ZNF678: variants seen among roughly 807,000 people sequenced by gnomAD.
ZNF678 encodes the protein hypothetical protein MGC42493.
ZNF678 carries 5 observed loss-of-function variants against 3.0 expected under a neutral mutation model. That is an observed-to-expected ratio of 1.69 (90% CI 0.88 to 3.56). The LOEUF (loss-of-function observed/expected upper bound fraction) is 3.56. Among genes scored for constraint, ZNF678 ranks in the 30% most tolerant of loss-of-function variants. The pLI is 0.00. For missense variants in ZNF678, 593 were observed against 605.0 expected (o/e 0.98, Z 0.21); for synonymous variants, 218 against 199.6 (o/e 1.09, Z -0.78).
intron 1 of ZNF678, among the ~76,000 whole-genome samples, chr1:227,644,151 C>T (rs542306519): frequency 3.5e-4 from 53 of 152,222 alleles, no homozygotes; most frequent in Admixed American, 1.2e-3. Flanking sequence ...AGGCGTGAGC[C>T]ACCACGCCTG....
At chr1:227,610,221 ATGG>A (rs1470139034) in intron 1 of ZNF678, among the ~76,000 whole-genome samples, 2 of 152,224 alleles carry the variant, frequency 1.3e-5, no homozygotes, top group Admixed American at 1.3e-4. Flanking sequence ...GTTTAAGCTC[ATGG>A]TGAATATTTC....
intron 1 of ZNF678, among the ~76,000 whole-genome samples, chr1:227,625,305 G>A (rs1238970220): frequency 6.6e-6 from 1 of 152,134 alleles, no homozygotes; most frequent in Admixed American, 6.5e-5. Flanking sequence ...AAACCGAAGT[G>A]CTGTTGGGGA....
chr1:227,587,706 G>T (rs1657296718), intron 1 of ZNF678, among the ~76,000 whole-genome samples: 1 of 152,012 alleles, frequency 6.6e-6, no homozygotes, highest in Admixed American at 6.6e-5. Context: ...TGCAGCCAAA[G>T]ATGTTAGGGG....
At chr1:227,630,795 G>C (rs1658529934) in intron 1 of ZNF678, among the ~76,000 whole-genome samples, 1 of 152,152 alleles carries the variant, frequency 6.6e-6, no homozygotes, top group African/African-American at 2.4e-5. Context: ...AGTTGGGGAA[G>C]GAGCCAGGGG....
At chr1:227,669,645 T>TCA (rs1186139148) in intron 5 of ZNF678, among the ~76,000 whole-genome samples, 1 of 64,476 alleles carries the variant, frequency 1.6e-5, no homozygotes. Context: ...CGAGACCGTC[T>TCA]CAAAAAAAAA....
In ZNF678 at chr1:227,563,602, A is replaced by T; in HGVS notation, c.-286A>T. On this transcript the variant is annotated 5_prime_UTR_variant, in exon 1 of 4. Coordinates refer to ENST00000343776, the MANE Select transcript of ZNF678 (RefSeq NM_001367909.1). Reference sequence around the variant, plus strand: ...GAGCTTTGGTCCCGTATTCTCGGCTATTTATCCCCAGCTGCGGGAGGCCCT... The same window carrying T: ...GAGCTTTGGTCCCGTATTCTCGGCTTTTTATCCCCAGCTGCGGGAGGCCCT... 1 of 1,073,908 alleles carries T rather than the reference A, an allele frequency of 9.3e-7. No homozygotes were observed. The highest frequency in any genetic ancestry group is 1.3e-6 in the Non-Finnish European group (1 of 777,664). 66.5% of individuals were successfully genotyped at this position (1,073,908 alleles called of 1,614,324 possible).
In ZNF678 at chr1:227,661,196, T is replaced by A. The variant is rs1472467885; in HGVS notation, c.*5368T>A. 2 of 152,186 alleles carry A rather than the reference T, an allele frequency of 1.3e-5. No individual in the cohort carries two copies. Among genetic ancestry groups the A allele is most frequent in the Non-Finnish European group, 2.9e-5 (2 of 68,024 alleles). 9.4% of individuals were successfully genotyped at this position (152,186 alleles called of 1,614,324 possible). A position where few individuals can be genotyped will look rare whatever the true frequency, so the allele number is the denominator to read the frequency against. On this transcript the variant is annotated 3_prime_UTR_variant, in exon 4 of 4. Coordinates refer to ENST00000343776, the MANE Select transcript of ZNF678 (RefSeq NM_001367909.1). Reference sequence around the variant, plus strand: ...AATGTGACTATTCAGATTAAATGCTTAATGTGTGTGTGTTGACTAAATAAA... The same window carrying A: ...AATGTGACTATTCAGATTAAATGCTAAATGTGTGTGTGTTGACTAAATAAA...
rs962690481 is a variant in ZNF678, at chr1:227,661,338, C to T, written c.*5510C>T. 2.0e-5 allele frequency: 3 copies of T among 151,686 alleles called. No individual in the cohort carries two copies. The highest frequency in any genetic ancestry group is 4.4e-5 in the Non-Finnish European group (3 of 67,974). 9.4% of individuals were successfully genotyped at this position (151,686 alleles called of 1,614,324 possible). A position where few individuals can be genotyped will look rare whatever the true frequency, so the allele number is the denominator to read the frequency against. On this transcript the variant is annotated 3_prime_UTR_variant, in exon 4 of 4. Coordinates refer to ENST00000343776, the MANE Select transcript of ZNF678 (RefSeq NM_001367909.1). ...TGTTGTTGTTTACCAGCAGGGGACCCCTGTTTTGTCTATGTCAAGAACAAA... is the reference window on the plus strand; with the variant it reads ...TGTTGTTGTTTACCAGCAGGGGACCTCTGTTTTGTCTATGTCAAGAACAAA...
At chr1:227,639,679 C>T (rs528585132) in intron 1 of ZNF678, among the ~76,000 whole-genome samples, 18 of 152,180 alleles carry the variant, frequency 1.2e-4, no homozygotes, top group South Asian at 2.1e-4. Flanking sequence ...CCAGAGGCCC[C>T]GTCTTGATAA....
In ZNF678 at chr1:227,641,759, CAA is replaced by C. The variant is rs71732048; in HGVS notation, c.-163-4773_-163-4772del. Among the ~76,000 whole-genome samples, 20 of 145,832 alleles carry C rather than the reference CAA, an allele frequency of 1.4e-4. 1 individual carries two copies. The highest frequency in any genetic ancestry group is 4.0e-4 in the East Asian group (2 of 4,962). On this transcript the variant is annotated intron_variant, in intron 1 of 3. Coordinates refer to ENST00000343776, the MANE Select transcript of ZNF678 (RefSeq NM_001367909.1). ...TGAGAGGAATTAGACCATATTTCTA[CAA>C]AAAAAAAAAAACTTCACAAAACAGC...
At chr1:227,583,254 T>C (rs1657175572) in intron 1 of ZNF678, among the ~76,000 whole-genome samples, 1 of 152,296 alleles carries the variant, frequency 6.6e-6, no homozygotes, top group South Asian at 2.1e-4. Flanking sequence ...AAATATTATA[T>C]TTATGAACCC....
rs1656586035 is a variant in ZNF678, at chr1:227,563,590, G to T, written c.-298G>T. Reference sequence around the variant, plus strand: ...GTGCTCCAGCTGGAGCTTTGGTCCCGTATTCTCGGCTATTTATCCCCAGCT... The same window carrying T: ...GTGCTCCAGCTGGAGCTTTGGTCCCTTATTCTCGGCTATTTATCCCCAGCT... On this transcript the variant is annotated 5_prime_UTR_variant, in exon 1 of 4. Coordinates refer to ENST00000343776, the MANE Select transcript of ZNF678 (RefSeq NM_001367909.1). The T allele has an allele frequency of 2.1e-6, 2 of 951,758 alleles. No homozygotes were observed. Among genetic ancestry groups the T allele is most frequent in the East Asian group, 1.2e-4 (2 of 16,426 alleles). The allele number at this position is 951,758 out of a possible 1,614,324, so 59.0% of individuals were successfully genotyped here.
At chr1:227,630,214 C>T (rs1352225640) in intron 1 of ZNF678, among the ~76,000 whole-genome samples, 1 of 152,192 alleles carries the variant, frequency 6.6e-6, no homozygotes, top group East Asian at 1.9e-4. Context: ...GATTTTGTTC[C>T]TTTCCCTGTG....
intron 1 of ZNF678, among the ~76,000 whole-genome samples, chr1:227,645,543 G>A (rs1006541160): frequency 4.6e-5 from 7 of 152,142 alleles, no homozygotes; most frequent in African/African-American, 1.7e-4. Flanking sequence ...AGTGCCATAA[G>A]CAATCTTTAC....
intron 1 of ZNF678, among the ~76,000 whole-genome samples, chr1:227,636,207 C>T (rs1658675172): frequency 6.6e-6 from 1 of 152,074 alleles, no homozygotes; most frequent in Admixed American, 6.6e-5. Context: ...AATTAGACAA[C>T]CACCCTCCTA....
intron 1 of ZNF678, among the ~76,000 whole-genome samples, chr1:227,642,697 G>A (rs1427895852): frequency 2.0e-5 from 3 of 151,712 alleles, no homozygotes; most frequent in Non-Finnish European, 2.9e-5. Context: ...ATCAGCATCC[G>A]AGATTCTGTG....
downstream of ZNF678, among the ~76,000 whole-genome samples, chr1:227,664,019 AAG>A (rs1245593697): frequency 2.6e-5 from 4 of 152,180 alleles, no homozygotes; most frequent in Admixed American, 6.5e-5. Flanking sequence ...GAGCTCTGCA[AAG>A]AGAGTGCCTT....
At chr1:227,629,103 A>G (rs1451948921) in intron 1 of ZNF678, among the ~76,000 whole-genome samples, 2 of 152,178 alleles carry the variant, frequency 1.3e-5, no homozygotes, top group Non-Finnish European at 2.9e-5. Flanking sequence ...ACATTGGAGT[A>G]TTGCAGGGGC....
rs1180590368 is a variant in ZNF678 at position 227,656,580 on chromosome 1, G to T, written c.*752G>T. Reference sequence around the variant, plus strand: ...GACCATCATTTATATGCTTTTTCATGAATGATTAAGGGCACCGAAATGTAA... The same window carrying T: ...GACCATCATTTATATGCTTTTTCATTAATGATTAAGGGCACCGAAATGTAA... On this transcript the variant is annotated 3_prime_UTR_variant, in exon 4 of 4. Coordinates refer to ENST00000343776, the MANE Select transcript of ZNF678 (RefSeq NM_001367909.1). 2 of 151,770 alleles carry T rather than the reference G, an allele frequency of 1.3e-5. 1 individual carries two copies. Among genetic ancestry groups the T allele is most frequent in the South Asian group, 4.1e-4 (2 of 4,828 alleles). The allele number at this position is 151,770 out of a possible 1,614,324, so 9.4% of individuals were successfully genotyped here.
Sources: gnomAD v4.1 joint callset for allele counts (sites outside exome capture counted in the v4.1 genomes callset) on GRCh38, gnomAD v4.1.1 for gene constraint, MANE v1.5 for transcripts, NCBI Gene and HGNC (gene_info 2026-07-23, HGNC 2026-07-21) for gene names.